USP10: variants seen among roughly 807,000 people sequenced by gnomAD.
The protein encoded by USP10 is ubiquitin carboxyl-terminal hydrolase 10.
In USP10, 22 loss-of-function variants were observed where a neutral mutation model predicts 84.5. The ratio of observed to expected loss-of-function variants is 0.26; its 90% CI spans 0.19 to 0.37. The LOEUF (loss-of-function observed/expected upper bound fraction) is 0.37, where lower values mean the gene tolerates loss of function less well. Ranked by LOEUF, USP10 falls within the 10% of genes least tolerant of loss-of-function variation. The pLI is 1.00. For missense variants in USP10, 1,019 were observed against 998.9 expected, an observed-to-expected ratio of 1.02 and a Z score of -0.27; for synonymous variants, 454 against 387.6, an observed-to-expected ratio of 1.17 and a Z score of -2.01.
At chr16:84,744,601 G>C (rs767354962) in intron 3 of USP10, 32 bp from the exon 4 acceptor site, 3 of 1,542,818 alleles carry the variant, frequency 1.9e-6, no homozygotes, top group African/African-American at 2.8e-5. Context: ...TGTAGAACTG[G>C]GTTCTTAACT....
chr16:84,747,846 T>C (rs2150827788), intron 4 of USP10, among the ~76,000 whole-genome samples: 1 of 151,912 alleles, frequency 6.6e-6, no homozygotes, highest in South Asian at 2.1e-4. Context: ...GGATTCCAGG[T>C]GTGGGCCACC....
chr16:84,719,507 C>T (rs1310794741), intron 1 of USP10, among the ~76,000 whole-genome samples: 1 of 152,198 alleles, frequency 6.6e-6, no homozygotes. Flanking sequence ...CCTGAGGATG[C>T]TCTGATTCTA....
rs1468324862 is a variant in USP10, at chr16:84,742,010, G to GC, written c.151+1642dup. On this transcript the variant is annotated intron_variant, in intron 3 of 13. Transcript: ENST00000219473. ...TACCTCCAGCTGCAGCAAGCCCTTT[G>GC]CAGAGGCACCTCATCGTGGCTTCCC... 6.6e-5 allele frequency among the ~76,000 whole-genome samples: 10 copies of GC among 152,166 alleles called. No individual in the cohort carries two copies. In the East Asian group the frequency reaches 1.9e-3, roughly 29 times the overall value.
At chr16:84,777,765 C>G (rs1033279385) in intron 13 of USP10, among the ~76,000 whole-genome samples, 27 of 152,146 alleles carry the variant, frequency 1.8e-4, no homozygotes, top group African/African-American at 6.3e-4. Context: ...CGACTAGAAC[C>G]TGGTGATGTT....
chr16:84,774,759 G>A (rs961220400), intron 12 of USP10, among the ~76,000 whole-genome samples: 12 of 152,166 alleles, frequency 7.9e-5, no homozygotes, highest in East Asian at 1.9e-4. Context: ...GTGAGCCACC[G>A]TGCCTGGCCT....
intron 1 of USP10, among the ~76,000 whole-genome samples, chr16:84,709,577 C>A (rs914032721): frequency 1.2e-4 from 18 of 151,822 alleles, no homozygotes; most frequent in Admixed American, 7.2e-4. Context: ...GTCGCAGTGG[C>A]CATAAGGAGA....
chr16:84,745,438 T>C lies in USP10; in HGVS notation c.957T>C (p.Ser319=). 6.2e-7 allele frequency: 1 copy of C among 1,613,570 alleles called. No homozygotes were observed. The part of the protein sequence containing the change: ...SIDLDPTKPE[S]ASPPADGTGS... The stretch of plus-strand genomic sequence containing the variant: ...ACTTGGACCCAACCAAACCCGAGAG[T>C]GCATCACCTCCTGCTGACGGCACGG... The change falls in exon 4 of 14, where the codon AGT becomes AGC. Residue 319 remains serine (S), a synonymous_variant. Transcript: ENST00000219473.
At chr16:84,748,816 A>G (rs750855776) in intron 4 of USP10, among the ~76,000 whole-genome samples, 27 of 152,336 alleles carry the variant, frequency 1.8e-4, no homozygotes, top group Non-Finnish European at 2.9e-4. Context: ...AGCTTTGTCA[A>G]ACACTGAAAG....
chr16:84,766,226 T>A (rs909889247), intron 10 of USP10, among the ~76,000 whole-genome samples: 11 of 152,196 alleles, frequency 7.2e-5, no homozygotes, highest in Admixed American at 3.9e-4. Flanking sequence ...TCTGTGGAAG[T>A]GGATTTAGAA....
chr16:84,727,252 C>G (rs182863339), intron 1 of USP10, among the ~76,000 whole-genome samples: 60 of 152,338 alleles, frequency 3.9e-4, no homozygotes, highest in Non-Finnish European at 7.6e-4. Context: ...TGGCATTTCC[C>G]TCTTCACTAG....
chr16:84,771,335 T>G (rs1477088651), intron 11 of USP10, among the ~76,000 whole-genome samples: 2 of 152,076 alleles, frequency 1.3e-5, no homozygotes, highest in Admixed American at 6.5e-5. Flanking sequence ...GCAGGTTGCT[T>G]AAGTCTAGGA....
chr16:84,700,689 C>G (rs573725057), intron 1 of USP10, among the ~76,000 whole-genome samples: 348 of 152,254 alleles, frequency 2.3e-3, no homozygotes, highest in African/African-American at 7.7e-3. Context: ...GCAAAGAAAA[C>G]TCGAAATAAG....
intron 13 of USP10, among the ~76,000 whole-genome samples, chr16:84,778,326 C>G (rs2150881619): frequency 2.0e-5 from 3 of 152,224 alleles, no homozygotes; most frequent in Admixed American, 2.0e-4. Context: ...GCCTAAGGAC[C>G]TTGTTTTCTC....
intron 3 of USP10, among the ~76,000 whole-genome samples, chr16:84,741,709 C>T (rs1187071091): frequency 1.3e-5 from 2 of 152,232 alleles, no homozygotes; most frequent in Admixed American, 1.3e-4. Context: ...ATCTTGCCAC[C>T]AGTTTGCACA....
chr16:84,726,274 C>G (rs1049037670), intron 1 of USP10, among the ~76,000 whole-genome samples: 1 of 152,236 alleles, frequency 6.6e-6, no homozygotes. Flanking sequence ...TGGCGTTTCC[C>G]GCAGTTCCGG....
At chr16:84,747,613 A>G (rs1329137789) in intron 4 of USP10, among the ~76,000 whole-genome samples, 3 of 114,686 alleles carry the variant, frequency 2.6e-5, no homozygotes, top group Non-Finnish European at 4.9e-5. Context: ...CTCAGGCTGT[A>G]GTGCAGGAGG....
chr16:84,766,662 G>A (rs536384109), intron 10 of USP10, among the ~76,000 whole-genome samples: 1 of 152,318 alleles, frequency 6.6e-6, no homozygotes, highest in Admixed American at 6.5e-5. Flanking sequence ...TTGTCTAAGA[G>A]TAACCAGTGG....
chr16:84,765,624 T>C (rs1913768554), intron 10 of USP10, among the ~76,000 whole-genome samples: 1 of 152,208 alleles, frequency 6.6e-6, no homozygotes, highest in Non-Finnish European at 1.5e-5. Context: ...AGCTGAATAG[T>C]GTTCCCTTGT....
chr16:84,747,132 T>C (rs1043957598), intron 4 of USP10, among the ~76,000 whole-genome samples: 2 of 152,216 alleles, frequency 1.3e-5, no homozygotes, highest in African/African-American at 4.8e-5. Context: ...CGCGTGACTG[T>C]ACGTACCTAA....
Sources: gnomAD v4.1 joint callset for allele counts (sites outside exome capture counted in the v4.1 genomes callset) on GRCh38, gnomAD v4.1.1 for gene constraint, MANE v1.5 for transcripts, NCBI Gene and HGNC (gene_info 2026-07-23, HGNC 2026-07-21) for gene names.